Variants in EP300 observed in about 807,000 individuals in gnomAD.
EP300 encodes EP300 lysine acetyltransferase.
In EP300, 31 loss-of-function variants were observed where a neutral mutation model predicts 264.0. That is an observed-to-expected ratio of 0.12 (90% CI 0.09 to 0.16). The LOEUF (loss-of-function observed/expected upper bound fraction) is 0.16, where lower values mean the gene tolerates loss of function less well. Among genes scored for constraint, EP300 ranks in the 10% least tolerant of loss-of-function variants. The probability of loss-of-function intolerance (pLI) is 1.00; values close to 1 mark genes in which losing one functional copy is unlikely to be tolerated. For missense variants in EP300, 2,766 were observed against 3,052.9 expected (o/e 0.91, Z 2.21); for synonymous variants, 1,340 against 1,045.4 (o/e 1.28, Z -5.44).
chr22:41,158,553 T>C lies in EP300; in HGVS notation c.3590+53T>C, dbSNP rs370123248. On this transcript the variant is annotated intron_variant, in intron 19 of 30. Transcript: ENST00000263253. ...TCCATGTGTCCACATGTCCAGGGAG[T>C]GCATGCGGATGGGCCAGCACACATA... is the stretch of plus-strand genomic sequence containing the variant. 8 of 1,414,638 alleles carry C rather than the reference T, an allele frequency of 5.7e-6. No individual in the cohort carries two copies. The African/African-American group carries it at 1.1e-4, about 20-fold the overall frequency. The allele number at this position is 1,414,638 out of a possible 1,614,324, so 87.6% of individuals were successfully genotyped here.
At chr22:41,134,529 G>T (rs2058939110) in intron 6 of EP300, among the ~76,000 whole-genome samples, 1 of 152,110 alleles carries the variant, frequency 6.6e-6, no homozygotes, top group South Asian at 2.1e-4. Context: ...CAAGTAGCTG[G>T]GACCACATAC....
chr22:41,157,512 C>CTTTTTTTT (rs1214250106), intron 18 of EP300, 104 bp downstream of exon 18: 20 of 444,396 alleles, frequency 4.5e-5, no homozygotes, highest in African/African-American at 1.8e-4. Flanking sequence ...TTTGACATGG[C>CTTTTTTTT]TTTTTTTTTT....
At position 41,152,595 on chromosome 22, in the gene EP300, A is replaced by G. The variant is rs35350688; in HGVS notation, c.3142+245A>G. On this transcript the variant is annotated intron_variant, in intron 16 of 30. Transcript: ENST00000263253. ...TCATTTCTTCAGGGTTCCCTGTGTT[A>G]GTACACCCTAAAAATTGTCTCATTT... Among the ~76,000 whole-genome samples, 1,913 of 151,674 alleles carry G rather than the reference A, an allele frequency of 0.013. 25 individuals carry two copies. Among genetic ancestry groups the G allele is most frequent in the South Asian group, 0.052 (251 of 4,806 alleles).
intron 18 of EP300, 49 bp from the exon 19 acceptor site, chr22:41,158,363 G>A: frequency 6.7e-7 from 1 of 1,500,794 alleles, no homozygotes; most frequent in Non-Finnish European, 9.3e-7. Flanking sequence ...TACTGTTCTA[G>A]CTTGTCCTTA....
At chr22:41,139,834 T>C (rs1041896688) in intron 8 of EP300, among the ~76,000 whole-genome samples, 1 of 152,208 alleles carries the variant, frequency 6.6e-6, no homozygotes, top group African/African-American at 2.4e-5. Context: ...GAAGGCTACT[T>C]GATACTATGA....
rs775886065 is a variant in EP300 at position 41,117,854 on chromosome 22, G to A, written c.729+33G>A. ...CAGTTTTGGTTTGTGTGCACAATCG[G>A]CATGCATGTGAGTATTGTCATGATG... On this transcript the variant is annotated intron_variant, in intron 2 of 30. Transcript: ENST00000263253. 15 of 1,612,442 alleles carry A rather than the reference G, an allele frequency of 9.3e-6. No homozygotes were observed. In the Admixed American group the frequency reaches 2.0e-4, roughly 22 times the overall value.
intron 23 of EP300, 21 bp downstream of exon 23, chr22:41,166,687 T>C: frequency 1.3e-6 from 2 of 1,591,912 alleles, no homozygotes; most frequent in Admixed American, 3.4e-5. Flanking sequence ...TTCTTAAAGG[T>C]AAATTTTGGC....
At chr22:41,157,511 G>GC in intron 18 of EP300, 103 bp downstream of exon 18, 2 of 890,214 alleles carry the variant, frequency 2.2e-6, no homozygotes, top group Non-Finnish European at 3.2e-6. Flanking sequence ...CTTTGACATG[G>GC]CTTTTTTTTT....
At chr22:41,099,581 TC>T (rs548109324) in intron 1 of EP300, among the ~76,000 whole-genome samples, 59 of 152,334 alleles carry the variant, frequency 3.9e-4, no homozygotes, top group Admixed American at 3.5e-3. Context: ...CGAATTTTTT[TC>T]CTTCACAATT....
chr22:41,179,559 T>C lies in EP300; in HGVS notation c.*603T>C. 4.9e-6 allele frequency: 1 copy of C among 202,510 alleles called. No homozygotes were observed. The highest frequency in any genetic ancestry group is 1.0e-5 in the Non-Finnish European group (1 of 99,510). 12.5% of individuals were successfully genotyped at this position (202,510 alleles called of 1,614,324 possible). On this transcript the variant is annotated 3_prime_UTR_variant, in exon 31 of 31. Transcript: ENST00000263253. The stretch of plus-strand genomic sequence containing the variant: ...AAAAAAAAAAAAAAACTGCCTTTCT[T>C]CCCCTCAAGTCAACTTTTGTGCTCC...
intron 1 of EP300, among the ~76,000 whole-genome samples, chr22:41,095,880 C>T (rs1245381803): frequency 6.6e-6 from 1 of 152,042 alleles, no homozygotes; most frequent in Non-Finnish European, 1.5e-5. Context: ...GGATGACATG[C>T]TAAAGTGTTA....
intron 1 of EP300, among the ~76,000 whole-genome samples, chr22:41,113,162 C>T (rs1227582858): frequency 7.1e-6 from 1 of 139,874 alleles, no homozygotes; most frequent in Non-Finnish European, 1.5e-5. Context: ...ATTCCACCCC[C>T]CCCCCAACTT....
chr22:41,142,426 G>C (rs1312077959), intron 10 of EP300, among the ~76,000 whole-genome samples: 2 of 152,114 alleles, frequency 1.3e-5, no homozygotes, highest in East Asian at 3.8e-4. Context: ...AAAGTTGGGA[G>C]GAGCAACATT....
rs2059212032 is a variant in EP300 at position 41,177,908 on chromosome 22, A to G, written c.6197A>G (p.Gln2066Arg). The G allele has an allele frequency of 6.2e-7, 1 of 1,614,074 alleles. No individual in the cohort carries two copies. The change falls in exon 31 of 31, where the codon CAG becomes CGG. Residue 2066 changes from glutamine (Q) to arginine (R), a missense_variant. Coordinates refer to ENST00000263253, the MANE Select transcript of EP300 (RefSeq NM_001429.4). Reference sequence around the variant, plus strand: ...CTCAGGTCTCCCAGCTCTCCCCTGCAGCAGCAACAGGTGCTTAGTATCCTT... The same window carrying G: ...CTCAGGTCTCCCAGCTCTCCCCTGCGGCAGCAACAGGTGCTTAGTATCCTT... ...RTLRSPSSPL[Q>R]QQQVLSILHA... is the part of the protein sequence containing the mutation.
intron 8 of EP300, among the ~76,000 whole-genome samples, chr22:41,139,470 CTTG>C (rs2145724351): frequency 6.6e-6 from 1 of 152,282 alleles, no homozygotes; most frequent in Non-Finnish European, 1.5e-5. Context: ...TTTCTACCAA[CTTG>C]GTATTATTCT....
chr22:41,149,673 G>C (rs1415856530), intron 13 of EP300, 88 bp from the exon 14 acceptor site: 2 of 1,339,594 alleles, frequency 1.5e-6, no homozygotes, highest in Non-Finnish European at 2.1e-6. Flanking sequence ...TAATCAGTTT[G>C]TGTCCTAAAT....
rs771948378 is a variant in EP300 at position 41,178,027 on chromosome 22, A to G, written c.6316A>G (p.Met2106Val). 21 of 1,613,988 alleles carry G rather than the reference A, an allele frequency of 1.3e-5. No homozygotes were observed. Among genetic ancestry groups the G allele is most frequent in the Non-Finnish European group, 1.8e-5 (21 of 1,179,954 alleles). ...NPQPIPGQPG[M>V]PQGQPGLQPP... ...ACAACCCATCCCTGGGCAGCCTGGC[A>G]TGCCCCAGGGGCAGCCAGGGCTACA... The change falls in exon 31 of 31, where the codon ATG (methionine) becomes GTG (valine). Residue 2106 changes from methionine (M) to valine (V), a missense_variant. Transcript: ENST00000263253.
At chr22:41,145,633 G>GT (rs899731779) in intron 10 of EP300, among the ~76,000 whole-genome samples, 29 of 151,970 alleles carry the variant, frequency 1.9e-4, no homozygotes, top group African/African-American at 5.6e-4. Context: ...TATATTTTAG[G>GT]TTTTTTTTGA....
intron 17 of EP300, 114 bp downstream of exon 17, chr22:41,155,227 A>ATTT: frequency 2.6e-6 from 2 of 766,110 alleles, no homozygotes; most frequent in African/African-American, 1.8e-5. Context: ...TAATTCAGTG[A>ATTT]TTTTTTTTTT....
Sources: allele counts gnomAD v4.1 joint callset (sites outside exome capture counted in the v4.1 genomes callset), GRCh38; gene constraint gnomAD v4.1.1; transcripts MANE v1.5; gene names NCBI Gene and HGNC (gene_info 2026-07-23, HGNC 2026-07-21).